The following GAS2L3 variants were observed in gnomAD, a reference collection of about 807,000 sequenced individuals.
GAS2L3 encodes GAS2-like protein 3.
A neutral mutation model predicts 37.0 loss-of-function variants in GAS2L3; 28 were observed. The observed-to-expected ratio is 0.76, with a 90% confidence interval of 0.56 to 1.04. The LOEUF (loss-of-function observed/expected upper bound fraction) is 1.04, where lower values mean the gene tolerates loss of function less well. Ranked by LOEUF, GAS2L3 falls within the 50% of genes least tolerant of loss-of-function variation. GAS2L3 has a pLI of 0.00. For missense variants in GAS2L3, 793 were observed against 817.6 expected (o/e 0.97, Z 0.37); for synonymous variants, 290 against 296.6 (o/e 0.98, Z 0.23).
intron 5 of GAS2L3, among the ~76,000 whole-genome samples, chr12:100,610,359 T>C (rs971244360): frequency 6.6e-6 from 1 of 152,238 alleles, no homozygotes; most frequent in Non-Finnish European, 1.5e-5. Flanking sequence ...CAACATATCA[T>C]TTCATGTATA....
At chr12:100,601,435 T>A (rs1295115515) in intron 4 of GAS2L3, among the ~76,000 whole-genome samples, 1 of 152,142 alleles carries the variant, frequency 6.6e-6, no homozygotes, top group African/African-American at 2.4e-5. Flanking sequence ...TCTGTACTTC[T>A]ACATTACAGA....
At chr12:100,595,508 A>G (rs1452478255) in intron 3 of GAS2L3, among the ~76,000 whole-genome samples, 5 of 151,258 alleles carry the variant, frequency 3.3e-5, no homozygotes, top group Non-Finnish European at 5.9e-5. Flanking sequence ...TTGCTATATT[A>G]TTCTTATTTT....
Position 100,600,442 on chromosome 12 carries a change from C to T in GAS2L3, c.79C>T (p.Pro27Ser), listed in dbSNP as rs978711349. The change falls in exon 4 of 10, where the codon CCA (proline) becomes TCA (serine). Residue 27 changes from proline (P) to serine (S), a missense_variant. By Grantham distance (74) the Pro-to-Ser change is moderately conservative. Transcript: ENST00000547754. ...GAGTCCTCTGACTCCCAGACACGGA[C>T]CAGGATTGGCTAATGTTTGTCAGTA... ...PRSPLTPRHG[P>S]GLANVCQYDE... The T allele has an allele frequency of 1.2e-6, 2 of 1,612,166 alleles. No individual in the cohort carries two copies. Among genetic ancestry groups the T allele is most frequent in the Non-Finnish European group, 1.7e-6 (2 of 1,178,728 alleles).
Position 100,624,911 on chromosome 12 carries a change from AAG to A in GAS2L3, c.*25_*26del. On this transcript the variant is annotated 3_prime_UTR_variant, in exon 10 of 10. Coordinates refer to ENST00000547754, the MANE Select transcript of GAS2L3 (RefSeq NM_174942.3). ...AATAAATACATACTCATTATAAAAA[AAG>A]AGAAAAGGAAGAATGAATGTGTTAG... 1 of 1,500,688 alleles carries A rather than the reference AAG, an allele frequency of 6.7e-7. No homozygotes were observed. 93.0% of individuals were successfully genotyped at this position (1,500,688 alleles called of 1,614,324 possible). A position where few individuals can be genotyped will look rare whatever the true frequency, so the allele number is the denominator to read the frequency against.
rs202229990 is a variant in GAS2L3, at chr12:100,624,425, C to A, written c.1620C>A (p.Ser540=). Residue 540 remains serine (S), a synonymous_variant, in exon 10 of 10, where the codon TCC becomes TCA. Coordinates refer to ENST00000547754, the MANE Select transcript of GAS2L3 (RefSeq NM_174942.3). ...ATGLGTQSQP[S]DGAPQAKPVP... Reference sequence around the variant, plus strand: ...GTCTAGGAACACAGTCTCAACCATCCGATGGAGCCCCACAAGCAAAGCCAG... The same window carrying A: ...GTCTAGGAACACAGTCTCAACCATCAGATGGAGCCCCACAAGCAAAGCCAG... 2.5e-5 allele frequency: 41 copies of A among 1,613,836 alleles called. No individual in the cohort carries two copies. The highest frequency in any genetic ancestry group is 3.5e-5 in the Non-Finnish European group (41 of 1,180,024).
chr12:100,581,335 G>T (rs575292956), intron 1 of GAS2L3, among the ~76,000 whole-genome samples: 23 of 152,294 alleles, frequency 1.5e-4, no homozygotes, highest in Non-Finnish European at 7.4e-5. Flanking sequence ...AACTGTAATT[G>T]TTGTTGCCCA....
intron 1 of GAS2L3, among the ~76,000 whole-genome samples, chr12:100,583,801 A>G (rs764296572): frequency 2.0e-4 from 30 of 152,136 alleles, no homozygotes; most frequent in Non-Finnish European, 2.8e-4. Flanking sequence ...CCTCTGGTAT[A>G]TCAGGCAGCT....
In GAS2L3 at chr12:100,625,450, A is replaced by G. The variant is rs1956322968; in HGVS notation, c.*560A>G. ...TTGGCATTATTCTGTGTTAGGTAGA[A>G]TTCTTATTATTTATTTTTTTAAGCT... On this transcript the variant is annotated 3_prime_UTR_variant, in exon 10 of 10. Coordinates refer to ENST00000547754, the MANE Select transcript of GAS2L3 (RefSeq NM_174942.3). 6.6e-6 allele frequency: 1 copy of G among 152,152 alleles called. No individual in the cohort carries two copies. Among genetic ancestry groups the G allele is most frequent in the Non-Finnish European group, 1.5e-5 (1 of 68,026 alleles). 9.4% of individuals were successfully genotyped at this position (152,152 alleles called of 1,614,324 possible).
At chr12:100,584,558 C>T (rs1240086893) in intron 1 of GAS2L3, among the ~76,000 whole-genome samples, 1 of 151,976 alleles carries the variant, frequency 6.6e-6, no homozygotes, top group Non-Finnish European at 1.5e-5. Flanking sequence ...AACTGCCTAC[C>T]CGACATTCCT....
chr12:100,624,476 C>G lies in GAS2L3; in HGVS notation c.1671C>G (p.Ala557=). The G allele has an allele frequency of 6.2e-7, 1 of 1,614,038 alleles. No homozygotes were observed. Residue 557 remains alanine, a synonymous_variant, in exon 10 of 10, where the codon GCC becomes GCG. Transcript: ENST00000547754. ...KPVPAQKLKS[A]LNLNQPVSVS... ...TCCCAGCACAGAAACTTAAATCGGC[C>G]TTGAATTTAAATCAGCCAGTTTCTG...
At chr12:100,583,685 G>C (rs1448657751) in intron 1 of GAS2L3, among the ~76,000 whole-genome samples, 2 of 152,050 alleles carry the variant, frequency 1.3e-5, no homozygotes, top group Non-Finnish European at 2.9e-5. Context: ...TGTTAGCCAG[G>C]ATGGTCTTGA....
chr12:100,580,921 A>G (rs1246280143), intron 1 of GAS2L3, among the ~76,000 whole-genome samples: 1 of 152,222 alleles, frequency 6.6e-6, no homozygotes, highest in Non-Finnish European at 1.5e-5. Flanking sequence ...TGCTCATGCC[A>G]GTTAATGCCA....
chr12:100,580,651 A>G (rs2136379796), intron 1 of GAS2L3, among the ~76,000 whole-genome samples: 1 of 152,328 alleles, frequency 6.6e-6, no homozygotes. Context: ...TCATGTTTAT[A>G]TACATTTATT....
At chr12:100,582,046 A>G (rs1955719569) in intron 1 of GAS2L3, among the ~76,000 whole-genome samples, 1 of 152,174 alleles carries the variant, frequency 6.6e-6, no homozygotes, top group South Asian at 2.1e-4. Flanking sequence ...ATGTTAAGAG[A>G]CCACCAAACA....
chr12:100,603,419 T>A (rs1255833031), intron 5 of GAS2L3, among the ~76,000 whole-genome samples: 29 of 152,208 alleles, frequency 1.9e-4, no homozygotes, highest in Admixed American at 1.9e-3. Context: ...CATATACCTG[T>A]TTGCCATTTG....
At chr12:100,614,392 G>A (rs1188498025) in intron 6 of GAS2L3, among the ~76,000 whole-genome samples, 2 of 152,142 alleles carry the variant, frequency 1.3e-5, no homozygotes, top group East Asian at 3.9e-4. Flanking sequence ...GAACCTGGGA[G>A]GCAGAGGTTG....
In GAS2L3 at chr12:100,619,281, T is replaced by C. The variant is rs990407096; in HGVS notation, c.648+694T>C. 1.4e-4 allele frequency among the ~76,000 whole-genome samples: 21 copies of C among 152,100 alleles called. No individual in the cohort carries two copies. In the Middle Eastern group the frequency reaches 0.01, roughly 74 times the overall value. On this transcript the variant is annotated intron_variant, in intron 8 of 9. Transcript: ENST00000547754. ...TACAACTGGACAGTCTTCTTAACTTTATCTGTTCATTAGGTAGAAGTTAAT... is the reference window on the plus strand; with the variant it reads ...TACAACTGGACAGTCTTCTTAACTTCATCTGTTCATTAGGTAGAAGTTAAT...
At chr12:100,610,549 G>A (rs1956114659) in intron 5 of GAS2L3, among the ~76,000 whole-genome samples, 1 of 147,970 alleles carries the variant, frequency 6.8e-6, no homozygotes, top group Non-Finnish European at 1.5e-5. Context: ...TGTCTATTCT[G>A]TATTCAATGA....
intron 1 of GAS2L3, chr12:100,579,234 C>A: frequency 1.6e-6 from 1 of 608,246 alleles, no homozygotes; most frequent in South Asian, 1.9e-5. Flanking sequence ...AAGGTCCATT[C>A]AGTGCTTACA....
Sources: gnomAD v4.1 joint callset for allele counts (sites outside exome capture counted in the v4.1 genomes callset) on GRCh38, gnomAD v4.1.1 for gene constraint, MANE v1.5 for transcripts, NCBI Gene and HGNC (gene_info 2026-07-23, HGNC 2026-07-21) for gene names.